The following SNTG1 variants were observed in gnomAD, a reference collection of about 807,000 sequenced individuals.
SNTG1 encodes syntrophin gamma 1.
A neutral mutation model predicts 74.7 loss-of-function variants in SNTG1; 39 were observed. The observed-to-expected ratio is 0.52, with a 90% CI of 0.40 to 0.68. The LOEUF (loss-of-function observed/expected upper bound fraction) is 0.68. Ranked by LOEUF, SNTG1 falls within the 30% of genes least tolerant of loss-of-function variation. SNTG1 has a pLI of 0.00. For missense variants in SNTG1, 685 were observed against 609.5 expected, an observed-to-expected ratio of 1.12 and a Z score of -1.30; for synonymous variants, 254 against 217.1, an observed-to-expected ratio of 1.17 and a Z score of -1.49.
At chr8:50,156,110 GA>G (rs2082246974) in intron 1 of SNTG1, among the ~76,000 whole-genome samples, 1 of 152,060 alleles carries the variant, frequency 6.6e-6, no homozygotes, top group Admixed American at 6.6e-5. Flanking sequence ...TTAAATAAAT[GA>G]AATTGAGACT....
chr8:50,552,060 T>TA (rs2094430383), intron 11 of SNTG1, among the ~76,000 whole-genome samples: 17 of 152,290 alleles, frequency 1.1e-4, no homozygotes, highest in Non-Finnish European at 1.5e-4. Context: ...AGAAAACATA[T>TA]AAATTTACAC....
intron 11 of SNTG1, among the ~76,000 whole-genome samples, chr8:50,549,909 C>A (rs1002339410): frequency 1.2e-4 from 18 of 152,202 alleles, no homozygotes; most frequent in South Asian, 4.1e-4. Flanking sequence ...TGAATCACAT[C>A]GTTTCTAATG....
chr8:50,429,958 G>A (rs983799565), intron 4 of SNTG1, among the ~76,000 whole-genome samples: 1 of 152,144 alleles, frequency 6.6e-6, no homozygotes, highest in Non-Finnish European at 1.5e-5. Flanking sequence ...TAGATAATAA[G>A]GTTTATTGAG....
chr8:50,716,167 C>T (rs970388656), intron 17 of SNTG1, among the ~76,000 whole-genome samples: 1 of 151,990 alleles, frequency 6.6e-6, no homozygotes, highest in East Asian at 1.9e-4. Context: ...AATATGAATT[C>T]CATAGCTTAA....
At chr8:50,223,023 G>A (rs2085149054) in intron 2 of SNTG1, among the ~76,000 whole-genome samples, 1 of 152,022 alleles carries the variant, frequency 6.6e-6, no homozygotes, top group South Asian at 2.1e-4. Flanking sequence ...AGGAATTGGA[G>A]TTATTAGAAA....
chr8:50,783,708 C>T (rs926457884), intron 18 of SNTG1, among the ~76,000 whole-genome samples: 1 of 152,160 alleles, frequency 6.6e-6, no homozygotes, highest in African/African-American at 2.4e-5. Flanking sequence ...CACCCAGTGT[C>T]CTGCGCCCAC....
chr8:50,713,822 G>A (rs906101207), intron 17 of SNTG1, among the ~76,000 whole-genome samples: 1 of 152,032 alleles, frequency 6.6e-6, no homozygotes, highest in Non-Finnish European at 1.5e-5. Flanking sequence ...CACTTTGGAA[G>A]GCCAGGGCGG....
At chr8:50,522,911 A>C (rs542074161) in intron 9 of SNTG1, among the ~76,000 whole-genome samples, 75 of 152,262 alleles carry the variant, frequency 4.9e-4, no homozygotes, top group Non-Finnish European at 1.5e-5. Flanking sequence ...CTTAGATGTC[A>C]TCTTCTTCTA....
intron 1 of SNTG1, among the ~76,000 whole-genome samples, chr8:49,962,245 G>A (rs1020105678): frequency 7.9e-5 from 12 of 152,008 alleles, no homozygotes; most frequent in African/African-American, 2.4e-4. Flanking sequence ...AGGATGAGAA[G>A]CAGATGAGAC....
At chr8:50,130,204 G>A (rs1161763918) in intron 1 of SNTG1, among the ~76,000 whole-genome samples, 1 of 152,118 alleles carries the variant, frequency 6.6e-6, no homozygotes, top group Non-Finnish European at 1.5e-5. Context: ...TATCCTGAAT[G>A]TAGAACTGAA....
intron 13 of SNTG1, among the ~76,000 whole-genome samples, chr8:50,594,832 C>T (rs2094715981): frequency 6.6e-6 from 1 of 152,054 alleles, no homozygotes; most frequent in Non-Finnish European, 1.5e-5. Flanking sequence ...ACCCAGGGAG[C>T]ATTTATTCAA....
intron 1 of SNTG1, among the ~76,000 whole-genome samples, chr8:50,159,533 T>C (rs1406848375): frequency 2.0e-5 from 3 of 152,218 alleles, no homozygotes; most frequent in Non-Finnish European, 4.4e-5. Flanking sequence ...CTCTTTACTA[T>C]AATCTCAATG....
rs981492475 is a variant in SNTG1 at position 50,794,742 on chromosome 8, C to T, written c.*1913C>T. 1 of 151,762 alleles carries T rather than the reference C, an allele frequency of 6.6e-6. No individual in the cohort carries two copies. The highest frequency in any genetic ancestry group is 1.5e-5 in the Non-Finnish European group (1 of 67,906). The allele number at this position is 151,762 out of a possible 1,614,324, so 9.4% of individuals were successfully genotyped here. ...AACCAGAGCTGAATCTCAGTGTGCC[C>T]CATATTGGGGTTACATGAATGTGTC... On this transcript the variant is annotated 3_prime_UTR_variant, in exon 19 of 19. Coordinates refer to ENST00000642720, the MANE Select transcript of SNTG1 (RefSeq NM_018967.5).
intron 1 of SNTG1, among the ~76,000 whole-genome samples, chr8:50,046,128 T>C (rs760105710): frequency 1.3e-5 from 2 of 152,232 alleles, no homozygotes; most frequent in Non-Finnish European, 2.9e-5. Flanking sequence ...GAGTTTCACA[T>C]TTCAACTTGT....
chr8:49,922,841 T>G (rs1806677376), intron 1 of SNTG1, among the ~76,000 whole-genome samples: 1 of 152,186 alleles, frequency 6.6e-6, no homozygotes, highest in South Asian at 2.1e-4. Flanking sequence ...AATTTATTTC[T>G]GTCAACTAAA....
chr8:50,018,937 A>G (rs1816583248), intron 1 of SNTG1, among the ~76,000 whole-genome samples: 1 of 152,014 alleles, frequency 6.6e-6, no homozygotes, highest in Non-Finnish European at 1.5e-5. Flanking sequence ...AAAATTAAAC[A>G]TAGAATTGTT....
intron 8 of SNTG1, among the ~76,000 whole-genome samples, chr8:50,500,004 C>T (rs1455825212): frequency 1.3e-5 from 2 of 151,884 alleles, no homozygotes; most frequent in African/African-American, 4.8e-5. Context: ...CTTTAGTTTG[C>T]AATATTTTTA....
intron 1 of SNTG1, among the ~76,000 whole-genome samples, chr8:50,113,414 G>T (rs113642614): frequency 8.5e-5 from 13 of 152,142 alleles, no homozygotes; most frequent in Non-Finnish European, 1.2e-4. Flanking sequence ...GAATGCTTGT[G>T]ATTTTTGCAC....
At chr8:50,314,650 C>T (rs560639045) in intron 2 of SNTG1, among the ~76,000 whole-genome samples, 3 of 150,234 alleles carry the variant, frequency 2.0e-5, no homozygotes, top group Middle Eastern at 6.8e-3. Context: ...AGTGTCTTAT[C>T]ATTTCTAAAA....
Sources: gnomAD v4.1 joint callset for allele counts (sites outside exome capture counted in the v4.1 genomes callset) on GRCh38, gnomAD v4.1.1 for gene constraint, MANE v1.5 for transcripts, NCBI Gene and HGNC (gene_info 2026-07-23, HGNC 2026-07-21) for gene names.